The following PRKG1 variants were observed in gnomAD, a reference collection of about 807,000 sequenced individuals.
PRKG1 encodes cGMP-dependent protein kinase 1.
In PRKG1, 35 loss-of-function variants were observed where a neutral mutation model predicts 88.1. The ratio of observed to expected loss-of-function variants is 0.40; its 90% confidence interval spans 0.30 to 0.53. The LOEUF is 0.53. Ranked by LOEUF, PRKG1 falls within the 20% of genes least tolerant of loss-of-function variation. The pLI, the probability that PRKG1 is intolerant of heterozygous loss-of-function variation, is 0.59. For synonymous variants in PRKG1, 303 were observed against 292.5 expected, an observed-to-expected ratio of 1.04 and a Z score of -0.37; for missense variants, 540 against 839.8, an observed-to-expected ratio of 0.64 and a Z score of 4.41.
chr10:51,036,572 T>G (rs1012640073), intron 1 of PRKG1, among the ~76,000 whole-genome samples: 17 of 152,150 alleles, frequency 1.1e-4, no homozygotes, highest in Non-Finnish European at 2.4e-4. Context: ...GACTCATCTT[T>G]TCTTTTCATG....
chr10:51,787,532 C>T (rs535743000), intron 3 of PRKG1, among the ~76,000 whole-genome samples: 2 of 152,264 alleles, frequency 1.3e-5, no homozygotes, highest in South Asian at 2.1e-4. Flanking sequence ...AGAACAACAA[C>T]ACATCCATGG....
chr10:51,320,720 G>T (rs1841433209), intron 2 of PRKG1: 1 of 152,210 alleles, frequency 6.6e-6, no homozygotes, highest in South Asian at 2.1e-4. Flanking sequence ...GTCCTTTCTT[G>T]CTCTGTCTCT....
intron 3 of PRKG1, among the ~76,000 whole-genome samples, chr10:51,586,947 C>G (rs1402990046): frequency 6.6e-6 from 1 of 152,104 alleles, no homozygotes; most frequent in Non-Finnish European, 1.5e-5. Flanking sequence ...AAGCATTTCT[C>G]AAGAGAAATC....
chr10:51,974,407 A>T (rs1268312360), intron 5 of PRKG1, among the ~76,000 whole-genome samples: 6 of 152,248 alleles, frequency 3.9e-5, no homozygotes, highest in South Asian at 2.1e-4. Context: ...ATCATCCTGG[A>T]ATACCCTTCT....
chr10:51,474,130 G>A (rs1001250470), intron 3 of PRKG1, among the ~76,000 whole-genome samples: 1 of 151,918 alleles, frequency 6.6e-6, no homozygotes, highest in Non-Finnish European at 1.5e-5. Context: ...CAGAGCTTTA[G>A]GGATGGGTGT....
intron 4 of PRKG1, among the ~76,000 whole-genome samples, chr10:51,904,906 T>A (rs1017153019): frequency 3.9e-5 from 6 of 152,140 alleles, no homozygotes; most frequent in African/African-American, 9.7e-5. Flanking sequence ...ATGAAAATAC[T>A]GTATTATGGC....
At position 51,913,236 on chromosome 10, in the gene PRKG1, A is replaced by G. The variant is rs1842263335; in HGVS notation, c.762+5666A>G. ...GAGCCACGGCGCCCACCCAATTTCT[A>G]TTTTAGATACAGGGGTACATGAACA... On this transcript the variant is annotated intron_variant, in intron 5 of 17. Transcript: ENST00000373980. 2.0e-5 allele frequency among the ~76,000 whole-genome samples: 3 copies of G among 152,228 alleles called. No homozygotes were observed. In the South Asian group the frequency reaches 6.2e-4, roughly 32 times the overall value.
intron 2 of PRKG1, among the ~76,000 whole-genome samples, chr10:51,353,739 G>A (rs1842303524): frequency 6.6e-6 from 1 of 152,102 alleles, no homozygotes; most frequent in African/African-American, 2.4e-5. Flanking sequence ...ACAGTTTGAA[G>A]TTACCTCAAA....
intron 7 of PRKG1, among the ~76,000 whole-genome samples, chr10:52,117,143 A>G (rs375590296): frequency 1.4e-5 from 2 of 146,150 alleles, no homozygotes; most frequent in South Asian, 2.2e-4. Context: ...ATATGCATGC[A>G]TGGATATCTA....
At chr10:51,170,767 G>C (rs1250685559) in intron 2 of PRKG1, among the ~76,000 whole-genome samples, 4 of 137,032 alleles carry the variant, frequency 2.9e-5, no homozygotes, top group Non-Finnish European at 6.3e-5. Context: ...GCAGGGGTGG[G>C]GGGGTGGGGG....
At chr10:51,903,786 T>C (rs1276011229) in intron 4 of PRKG1, among the ~76,000 whole-genome samples, 2 of 152,168 alleles carry the variant, frequency 1.3e-5, no homozygotes, top group African/African-American at 4.8e-5. Context: ...GAAAAGTATG[T>C]AGCTCAGTGA....
intron 1 of PRKG1, among the ~76,000 whole-genome samples, chr10:51,075,726 A>T (rs1199136913): frequency 6.6e-6 from 1 of 152,020 alleles, no homozygotes; most frequent in African/African-American, 2.4e-5. Context: ...TAATGCAACC[A>T]CTCTGGCATT....
chr10:51,936,248 T>C (rs1384284619), intron 5 of PRKG1, among the ~76,000 whole-genome samples: 8 of 152,076 alleles, frequency 5.3e-5, no homozygotes, highest in Admixed American at 5.3e-4. Context: ...TCATAGCAAT[T>C]TATGTGCCAT....
At chr10:51,769,291 CA>C (rs1186013959) in intron 3 of PRKG1, among the ~76,000 whole-genome samples, 1 of 152,070 alleles carries the variant, frequency 6.6e-6, no homozygotes, top group African/African-American at 2.4e-5. Flanking sequence ...AGACAGATGG[CA>C]GAATCAATTA....
chr10:51,060,155 A>G (rs1380809740), intron 1 of PRKG1, among the ~76,000 whole-genome samples: 1 of 151,642 alleles, frequency 6.6e-6, no homozygotes, highest in Non-Finnish European at 1.5e-5. Context: ...TTTGGATTAT[A>G]TTTACCATTT....
intron 4 of PRKG1, among the ~76,000 whole-genome samples, chr10:51,837,645 T>A (rs1201250667): frequency 4.6e-5 from 7 of 152,104 alleles, no homozygotes; most frequent in Non-Finnish European, 1.0e-4. Flanking sequence ...GGGGCTCTCC[T>A]TCATGATCTC....
At chr10:51,071,267 T>C (rs1040457874), upstream of PRKG1, among the ~76,000 whole-genome samples, 2 of 152,156 alleles carry the variant, frequency 1.3e-5, no homozygotes, top group Non-Finnish European at 2.9e-5. Flanking sequence ...ACCTGGTCGC[T>C]CAAGATCTAA....
At chr10:51,336,164 C>G (rs974759512) in intron 2 of PRKG1, among the ~76,000 whole-genome samples, 1 of 151,908 alleles carries the variant, frequency 6.6e-6, no homozygotes, top group African/African-American at 2.4e-5. Flanking sequence ...ACCAGCCTGG[C>G]CAACATGGAG....
In PRKG1 at chr10:51,728,137, T is replaced by C. The variant is rs115958562; in HGVS notation, c.593-76448T>C. Among the ~76,000 whole-genome samples the C allele has an allele frequency of 2.8e-3, 426 of 152,252 alleles. 1 individual carries two copies. Among genetic ancestry groups the C allele is most frequent in the Middle Eastern group, 6.8e-3 (2 of 294 alleles). Reference sequence around the variant, plus strand: ...ATATAGCACACTTCACCTGGGAAACTTGATGTATAAGCTATAGATTGCTAT... The same window carrying C: ...ATATAGCACACTTCACCTGGGAAACCTGATGTATAAGCTATAGATTGCTAT... On this transcript the variant is annotated intron_variant, in intron 3 of 17. Coordinates refer to ENST00000373980, the MANE Select transcript of PRKG1 (RefSeq NM_006258.4).
Sources: allele counts gnomAD v4.1 joint callset (sites outside exome capture counted in the v4.1 genomes callset), GRCh38; gene constraint gnomAD v4.1.1; transcripts MANE v1.5; gene names NCBI Gene and HGNC (gene_info 2026-07-23, HGNC 2026-07-21).